Variants in DISP1 observed in about 807,000 individuals in gnomAD.
DISP1 encodes dispatched RND transporter family member 1.
In DISP1, 30 loss-of-function variants were observed where a neutral mutation model predicts 37.3. The ratio of observed to expected loss-of-function variants is 0.80; its 90% CI spans 0.60 to 1.09. The LOEUF (loss-of-function observed/expected upper bound fraction) is 1.09. Ranked by LOEUF, DISP1 falls within the 50% of genes least tolerant of loss-of-function variation. The pLI, the probability that DISP1 is intolerant of heterozygous loss-of-function variation, is 0.00. For missense variants in DISP1, 1,598 were observed against 1,879.5 expected (o/e 0.85, Z 2.77); for synonymous variants, 634 against 690.2 (o/e 0.92, Z 1.28).
chr1:223,005,474 A>G lies in DISP1; in HGVS notation c.4077A>G (p.Pro1359=). ...TGCCTAGGAATTTTTTCCTCCACCCAGTGCAGCACATTCAGGCCCAAGAAA... is the reference window on the plus strand; with the variant it reads ...TGCCTAGGAATTTTTTCCTCCACCCGGTGCAGCACATTCAGGCCCAAGAAA... ...NSLPRNFFLH[P]VQHIQAQEKI... The change falls in exon 9 of 9, where the codon CCA becomes CCG. Residue 1359 remains proline, a synonymous_variant. Coordinates refer to ENST00000675850, the MANE Select transcript of DISP1 (RefSeq NM_001377229.1). 1 of 1,613,910 alleles carries G rather than the reference A, an allele frequency of 6.2e-7. No individual in the cohort carries two copies. Among genetic ancestry groups the G allele is most frequent in the East Asian group, 2.2e-5 (1 of 44,884 alleles).
At chr1:222,948,718 T>G (rs1363332172) in intron 3 of DISP1, among the ~76,000 whole-genome samples, 1 of 152,240 alleles carries the variant, frequency 6.6e-6, no homozygotes, top group African/African-American at 2.4e-5. Flanking sequence ...TATTTATGAC[T>G]TCACATTACT....
chr1:222,907,293 C>T (rs1192189640), intron 1 of DISP1, among the ~76,000 whole-genome samples: 1 of 152,162 alleles, frequency 6.6e-6, no homozygotes, highest in East Asian at 1.9e-4. Context: ...AATGTCTAGT[C>T]TAAGTAAAAT....
At chr1:222,955,684 G>A (rs1201054491) in intron 3 of DISP1, among the ~76,000 whole-genome samples, 2 of 152,122 alleles carry the variant, frequency 1.3e-5, no homozygotes, top group African/African-American at 2.4e-5. Flanking sequence ...AGAGTCAGTC[G>A]GGGAATAACC....
rs150671718 is a variant in DISP1 at position 223,003,668 on chromosome 1, G to A, written c.2271G>A (p.Ser757=). The change falls in exon 9 of 9, where the codon TCG becomes TCA. Residue 757 remains serine, a synonymous_variant. Coordinates refer to ENST00000675850, the MANE Select transcript of DISP1 (RefSeq NM_001377229.1). This position sits in a 1 kb window ranked among gnomAD's most constrained non-coding sequence, Gnocchi z 4.3. ...TATCCGAGTTCCAGGTGTTCCGGTC[G>A]TCCCATCCTTTTGAGCGTTATGATG... ...LELSEFQVFR[S]SHPFERYDAE... 234 of 1,614,046 alleles carry A rather than the reference G, an allele frequency of 1.4e-4. 1 individual carries two copies. The African/African-American group carries it at 2.3e-3, about 16-fold the overall frequency.
intron 1 of DISP1, among the ~76,000 whole-genome samples, chr1:222,924,102 C>T (rs1207835835): frequency 2.0e-5 from 3 of 152,050 alleles, no homozygotes; most frequent in Non-Finnish European, 2.9e-5. Context: ...AAATGTCTGT[C>T]GTTGGGTAAG....
chr1:222,909,665 A>G (rs1196697582), intron 1 of DISP1, among the ~76,000 whole-genome samples: 1 of 152,226 alleles, frequency 6.6e-6, no homozygotes, highest in Non-Finnish European at 1.5e-5. Context: ...TATAAAAGAT[A>G]AAACTAAAAC....
chr1:222,920,254 C>T (rs937366295), intron 1 of DISP1, among the ~76,000 whole-genome samples: 2 of 152,166 alleles, frequency 1.3e-5, no homozygotes, highest in Non-Finnish European at 2.9e-5. Flanking sequence ...CTCTTCAAGA[C>T]ATAGTGGTCT....
At chr1:222,870,747 T>A (rs1282416230) in intron 1 of DISP1, among the ~76,000 whole-genome samples, 1 of 152,230 alleles carries the variant, frequency 6.6e-6, no homozygotes, top group Non-Finnish European at 1.5e-5. Context: ...GGTTGCCTGT[T>A]CACTCTGATG....
At chr1:222,967,001 G>A (rs1676544131) in intron 3 of DISP1, among the ~76,000 whole-genome samples, 2 of 152,160 alleles carry the variant, frequency 1.3e-5, no homozygotes, top group South Asian at 2.1e-4. Context: ...GGAGGAAAAG[G>A]GAGATGATTT....
intron 8 of DISP1, among the ~76,000 whole-genome samples, chr1:222,997,107 T>C (rs934823651): frequency 2.6e-5 from 4 of 151,008 alleles, no homozygotes; most frequent in African/African-American, 9.9e-5. Flanking sequence ...GATAGATAGA[T>C]GATAAAAATC....
intron 3 of DISP1, among the ~76,000 whole-genome samples, chr1:222,953,442 C>T (rs541913885): frequency 6.6e-6 from 1 of 152,262 alleles, no homozygotes; most frequent in African/African-American, 2.4e-5. Flanking sequence ...ATAAATGACA[C>T]ACCTCACACC....
intron 3 of DISP1, among the ~76,000 whole-genome samples, chr1:222,972,266 T>G (rs978649789): frequency 6.6e-6 from 1 of 152,122 alleles, no homozygotes; most frequent in African/African-American, 2.4e-5. Context: ...GATTCACATA[T>G]TGATAAGATT....
At chr1:222,885,902 G>A (rs571417644) in intron 1 of DISP1, among the ~76,000 whole-genome samples, 5 of 151,330 alleles carry the variant, frequency 3.3e-5, no homozygotes, top group African/African-American at 1.2e-4. Flanking sequence ...ACATACACAC[G>A]GACTAGTATT....
At chr1:222,904,578 T>A (rs1671795235) in intron 1 of DISP1, among the ~76,000 whole-genome samples, 1 of 151,494 alleles carries the variant, frequency 6.6e-6, no homozygotes, top group Admixed American at 6.6e-5. Flanking sequence ...TATTTTATTT[T>A]TTTTTTTGAG....
At chr1:222,978,417 A>G (rs963199796) in intron 3 of DISP1, among the ~76,000 whole-genome samples, 1 of 152,168 alleles carries the variant, frequency 6.6e-6, no homozygotes, top group Admixed American at 6.5e-5. Context: ...GATTCTGGAT[A>G]TTAGCCCGTT....
At chr1:222,821,039 T>G (rs1490788313) in intron 1 of DISP1, among the ~76,000 whole-genome samples, 1 of 152,176 alleles carries the variant, frequency 6.6e-6, no homozygotes, top group East Asian at 1.9e-4. Context: ...TGCCTTCAAG[T>G]TTATCATTTC....
chr1:222,869,380 C>A (rs74145587), intron 1 of DISP1, among the ~76,000 whole-genome samples: 18,088 of 152,082 alleles, frequency 0.12, 1,168 homozygotes, highest in African/African-American at 0.14. Context: ...ATACCAGTAA[C>A]AATTTGAGTG....
At chr1:222,884,263 T>G (rs1157959159) in intron 1 of DISP1, among the ~76,000 whole-genome samples, 1 of 152,192 alleles carries the variant, frequency 6.6e-6, no homozygotes, top group Admixed American at 6.5e-5. Context: ...TTCTTCATGT[T>G]AATATCTTAT....
At chr1:222,838,687 G>A (rs1202325035) in intron 1 of DISP1, among the ~76,000 whole-genome samples, 2 of 152,228 alleles carry the variant, frequency 1.3e-5, no homozygotes, top group Non-Finnish European at 2.9e-5. Flanking sequence ...TAGGAAGATT[G>A]CTTGAGCTCA....
Sources: allele counts gnomAD v4.1 joint callset (sites outside exome capture counted in the v4.1 genomes callset), GRCh38; gene constraint gnomAD v4.1.1; non-coding constraint Gnocchi (gnomAD v3.1); transcripts MANE v1.5; gene names NCBI Gene and HGNC (gene_info 2026-07-23, HGNC 2026-07-21).